Variants in EPS15L1 observed in about 807,000 individuals in gnomAD.
EPS15L1 encodes epidermal growth factor receptor pathway substrate 15 like 1, also known as epidermal growth factor receptor substrate 15-like 1.
Under a neutral mutation model 117.1 loss-of-function variants are expected in EPS15L1, and 43 were observed. The observed-to-expected ratio is 0.37, with a 90% CI of 0.29 to 0.47. The LOEUF (loss-of-function observed/expected upper bound fraction) is 0.47. EPS15L1 is among the 20% of genes least tolerant of loss of function. The pLI is 0.99. For synonymous variants in EPS15L1, 459 were observed against 470.5 expected, an observed-to-expected ratio of 0.98 and a Z score of 0.32; for missense variants, 981 against 1,164.0, an observed-to-expected ratio of 0.84 and a Z score of 2.29.
chr19:16,457,151 T>C (rs573670092), intron 1 of EPS15L1, among the ~76,000 whole-genome samples: 2 of 152,096 alleles, frequency 1.3e-5, no homozygotes, highest in Non-Finnish European at 1.5e-5. Flanking sequence ...AAGGAGGACA[T>C]GCCAGTTCCC....
At chr19:16,393,077 TATAATAATAATA>T (rs149019261) in intron 18 of EPS15L1, among the ~76,000 whole-genome samples, 71,280 of 142,272 alleles carry the variant, frequency 0.5, 19,080 homozygotes, top group South Asian at 0.65. Context: ...AGGAGCTGGA[TATAATAATAATA>T]ATAATAATAA....
At chr19:16,363,446 A>G (rs2092087458) in intron 22 of EPS15L1, among the ~76,000 whole-genome samples, 1 of 151,978 alleles carries the variant, frequency 6.6e-6, no homozygotes, top group South Asian at 2.1e-4. Context: ...GAACGAGCCC[A>G]CACAGGCCAG....
At chr19:16,430,824 T>C (rs2092920465) in intron 7 of EPS15L1, among the ~76,000 whole-genome samples, 2 of 152,232 alleles carry the variant, frequency 1.3e-5, no homozygotes, top group African/African-American at 4.8e-5. Flanking sequence ...CATAGACATA[T>C]GGGCACAAAG....
intron 18 of EPS15L1, among the ~76,000 whole-genome samples, chr19:16,393,463 C>A (rs2092502492): frequency 6.6e-6 from 1 of 151,766 alleles, no homozygotes; most frequent in South Asian, 2.1e-4. Flanking sequence ...GCCTGGCTAA[C>A]ACGGTGAAAC....
rs1020602423 is a variant in EPS15L1, at chr19:16,471,263, T to C, written c.33+650A>G. ...GCACATTTGAGGGATGGATAGAAAA[T>C]GAATGAATGAAAGTCTCTCCCAAAT... On this transcript the variant is annotated intron_variant, in intron 1 of 23. Transcript: ENST00000455140. The surrounding 1 kb of genome is among the most constrained non-coding windows in gnomAD (Gnocchi z 4.8). 2.0e-5 allele frequency among the ~76,000 whole-genome samples: 3 copies of C among 152,082 alleles called. No homozygotes were observed. The highest frequency in any genetic ancestry group is 6.5e-5 in the Admixed American group (1 of 15,272).
chr19:16,416,326 G>A (rs1014550120), intron 12 of EPS15L1, among the ~76,000 whole-genome samples: 2 of 152,024 alleles, frequency 1.3e-5, no homozygotes, highest in African/African-American at 4.8e-5. Context: ...AGTCCACCCT[G>A]TCCTAGAATC....
Position 16,392,426 on chromosome 19 carries a change from C to T in EPS15L1, c.1981G>A (p.Asp661Asn), listed in dbSNP as rs1568412015. 6.2e-7 allele frequency: 1 copy of T among 1,614,048 alleles called. No individual in the cohort carries two copies. The highest frequency in any genetic ancestry group is 8.5e-7 in the Non-Finnish European group (1 of 1,180,010). ...QTTSTDPFGG[D>N]PFKESDPFRG... ...AATGGGTCACTTTCTTTGAAAGGGT[C>T]CCCTCCAAATGGATCTAGAAGGAAA... Residue 661 changes from aspartate to asparagine, a missense_variant, in exon 19 of 24, where the codon GAC becomes AAC. By Grantham distance (23) the Asp-to-Asn change is conservative. Transcript: ENST00000455140.
At chr19:16,469,992 C>G (rs1428536467) in intron 1 of EPS15L1, among the ~76,000 whole-genome samples, 1 of 151,644 alleles carries the variant, frequency 6.6e-6, no homozygotes, top group African/African-American at 2.4e-5. Flanking sequence ...CACTCGAGAG[C>G]AAGTGTAAAG....
chr19:16,377,160 G>T lies in EPS15L1; in HGVS notation c.2342C>A (p.Pro781Gln). 6.2e-7 allele frequency: 1 copy of T among 1,609,650 alleles called. No homozygotes were observed. Among genetic ancestry groups the T allele is most frequent in the Non-Finnish European group, 8.5e-7 (1 of 1,178,126 alleles). ...KSKQDTPALP[P>Q]KKPAPPRPKP... ...AGGCCGTGGAGGAGCAGGTTTCTTC[G>T]GAGGCAGAGCAGGAGTGTCCTGTTT... Residue 781 changes from proline (P) to glutamine (Q), a missense_variant, in exon 22 of 24, where the codon CCG (proline) becomes CAG (glutamine). Transcript: ENST00000455140.
chr19:16,419,958 A>T (rs754784810), intron 10 of EPS15L1, among the ~76,000 whole-genome samples: 12 of 152,234 alleles, frequency 7.9e-5, no homozygotes, highest in Non-Finnish European at 1.3e-4. Flanking sequence ...AAGCAAGCTT[A>T]GGGGTGGCTC....
intron 8 of EPS15L1, 37 bp downstream of exon 8, chr19:16,428,665 T>C (rs773318474): frequency 1.3e-6 from 2 of 1,582,210 alleles, no homozygotes; most frequent in Middle Eastern, 1.7e-4. Context: ...GCACATTTCC[T>C]TCCTGGGCTG....
intron 7 of EPS15L1, among the ~76,000 whole-genome samples, chr19:16,432,831 T>G (rs2092942705): frequency 6.6e-6 from 1 of 152,150 alleles, no homozygotes; most frequent in African/African-American, 2.4e-5. Context: ...AAACAGAGTC[T>G]CAATCCGGTT....
intron 22 of EPS15L1, among the ~76,000 whole-genome samples, chr19:16,373,032 G>C (rs762086353): frequency 6.6e-6 from 1 of 152,234 alleles, no homozygotes; most frequent in Non-Finnish European, 1.5e-5. Context: ...CCCTGGATGG[G>C]AGCATGGGAC....
intron 12 of EPS15L1, among the ~76,000 whole-genome samples, chr19:16,417,023 T>C (rs4808047): frequency 0.22 from 33,588 of 152,152 alleles, 4,321 homozygotes; most frequent in African/African-American, 0.34. Flanking sequence ...CCTCGCCATC[T>C]GAGACCCAAT....
At chr19:16,414,910 T>C (rs987221022) in intron 12 of EPS15L1, among the ~76,000 whole-genome samples, 3 of 152,074 alleles carry the variant, frequency 2.0e-5, no homozygotes, top group Non-Finnish European at 2.9e-5. Context: ...TCTCAATATA[T>C]GGCCCAGGCT....
Position 16,421,442 on chromosome 19 carries a change from T to C in EPS15L1, c.827A>G (p.Lys276Arg), listed in dbSNP as rs2092812832. ...TVNWVVPVAD[K>R]MRFDEIFLKT... ...CAGGAATATCTCATCAAATCGCATC[T>C]TGTCTGCCACGGGCACCACCCAGTT... is the stretch of plus-strand genomic sequence containing the variant. Residue 276 changes from lysine (K) to arginine (R), a missense_variant, in exon 10 of 24, where the codon AAG (lysine) becomes AGG (arginine). By Grantham distance (26) the Lys-to-Arg change is conservative. Transcript: ENST00000455140. 1 of 1,613,784 alleles carries C rather than the reference T, an allele frequency of 6.2e-7. No individual in the cohort carries two copies. The highest frequency in any genetic ancestry group is 1.7e-5 in the Admixed American group (1 of 59,996).
chr19:16,443,091 T>C (rs903094509), intron 1 of EPS15L1, among the ~76,000 whole-genome samples: 9 of 152,200 alleles, frequency 5.9e-5, no homozygotes, highest in African/African-American at 2.2e-4. Flanking sequence ...GTTGGTGTTT[T>C]AGTAAGTGAG....
At chr19:16,387,601 C>G (rs533612693) in intron 19 of EPS15L1, among the ~76,000 whole-genome samples, 12 of 151,926 alleles carry the variant, frequency 7.9e-5, no homozygotes, top group African/African-American at 2.7e-4. Context: ...GAGTGAAACT[C>G]CGTTTGAAAA....
chr19:16,425,195 G>A lies in EPS15L1; in HGVS notation c.680C>T (p.Pro227Leu). Residue 227 changes from proline to leucine, a missense_variant, in exon 9 of 24, where the codon CCT becomes CTT. Around this residue, in one of 5 missense-constraint regions of EPS15L1, gnomAD observed 819 missense variants for 949.0 expected, o/e 0.86. Coordinates refer to ENST00000455140, the MANE Select transcript of EPS15L1 (RefSeq NM_001258374.3). ...GCTGTCTTTTGGTGGGGGGCTGGCA[G>A]GCAGGACGGGGACGGCGCCAGGGAA... ...TVFPGAVPVL[P>L]ASPPPKDSLR... 1 of 1,613,228 alleles carries A rather than the reference G, an allele frequency of 6.2e-7. No homozygotes were observed. The highest frequency in any genetic ancestry group is 8.5e-7 in the Non-Finnish European group (1 of 1,179,396).
Sources: gnomAD v4.1 joint callset for allele counts (sites outside exome capture counted in the v4.1 genomes callset) on GRCh38, gnomAD v4.1.1 for gene constraint, gnomAD v4.1.1 regional missense constraint, Gnocchi (gnomAD v3.1) non-coding constraint, MANE v1.5 for transcripts, NCBI Gene and HGNC (gene_info 2026-07-23, HGNC 2026-07-21) for gene names.